Variants in ZNF469 observed in about 807,000 individuals in gnomAD.
ZNF469 encodes the protein zinc finger protein 469.
ZNF469 carries 1 observed loss-of-function variant against 1.0 expected under a neutral mutation model. The ratio of observed to expected loss-of-function variants is 1.00; its 90% CI spans 0.35 to 4.73. The LOEUF (loss-of-function observed/expected upper bound fraction) is 4.73. ZNF469 is among the 30% of genes most tolerant of loss of function. The probability of loss-of-function intolerance (pLI) is 0.16; values close to 1 mark genes in which losing one functional copy is unlikely to be tolerated. For missense variants in ZNF469, 6,100 were observed against 5,356.3 expected, an observed-to-expected ratio of 1.14 and a Z score of -4.33; for synonymous variants, 2,703 against 2,363.4, an observed-to-expected ratio of 1.14 and a Z score of -4.17.
At chr16:88,129,337 C>T in the ZNF469 span, among the ~76,000 whole-genome samples, 10 of 152,232 alleles carry the variant, frequency 6.6e-5, no homozygotes, top group African/African-American at 2.4e-4. Flanking sequence ...GCAGGAGGTC[C>T]TCGGTGAGTC....
intron 1 of ZNF469, among the ~76,000 whole-genome samples, chr16:88,397,145 A>G (rs1904709202): frequency 6.6e-6 from 1 of 152,232 alleles, no homozygotes; most frequent in South Asian, 2.1e-4. Flanking sequence ...AGTGGCCCCC[A>G]GGGCTGAGGC....
the ZNF469 span, among the ~76,000 whole-genome samples, chr16:88,114,674 G>A: frequency 2.4e-4 from 37 of 152,346 alleles, no homozygotes; most frequent in African/African-American, 8.9e-4. Flanking sequence ...CCCTGTCTGA[G>A]CCTCTCTGCA....
the ZNF469 span, among the ~76,000 whole-genome samples, chr16:88,355,350 T>C: frequency 6.6e-6 from 1 of 152,208 alleles, no homozygotes; most frequent in Non-Finnish European, 1.5e-5. Flanking sequence ...ACAAAGAAGC[T>C]AAACTGGGAG....
At chr16:88,251,398 G>C in the ZNF469 span, among the ~76,000 whole-genome samples, 1 of 152,122 alleles carries the variant, frequency 6.6e-6, no homozygotes, top group Non-Finnish European at 1.5e-5. Flanking sequence ...GTAGAATGTA[G>C]ATGCTATGTC....
chr16:88,359,782 T>A, the ZNF469 span, among the ~76,000 whole-genome samples: 4 of 152,222 alleles, frequency 2.6e-5, no homozygotes, highest in African/African-American at 7.2e-5. Context: ...AAATCAAATA[T>A]CTAGAAAGCT....
At chr16:88,250,968 C>T in the ZNF469 span, among the ~76,000 whole-genome samples, 1 of 152,158 alleles carries the variant, frequency 6.6e-6, no homozygotes, top group Non-Finnish European at 1.5e-5. Flanking sequence ...AACTCTGCCT[C>T]CCGGGTTCAA....
chr16:88,110,679 C>A, the ZNF469 span, among the ~76,000 whole-genome samples: 1 of 152,186 alleles, frequency 6.6e-6, no homozygotes, highest in Admixed American at 6.5e-5. Context: ...CAGAACCACT[C>A]GTCTTAAAGT....
Position 88,436,714 on chromosome 16 carries a change from G to A in ZNF469, c.9244G>A (p.Ala3082Thr). Residue 3082 changes from alanine (A) to threonine (T), a missense_variant, in exon 3 of 3, where the codon GCG becomes ACG. Physicochemically the swap from Ala to Thr is moderately conservative, Grantham distance 58. Transcript: ENST00000565624. ...GPSFLDFEGT[A>T]SSQGPQSRRT... ...CAGCTTCTTAGACTTCGAGGGCACG[G>A]CGAGCTCACAGGGGCCACAGAGCCG... The A allele has an allele frequency of 6.5e-7, 1 of 1,549,390 alleles. No homozygotes were observed. The highest frequency in any genetic ancestry group is 8.7e-7 in the Non-Finnish European group (1 of 1,146,418).
At chr16:88,387,286 GC>G (rs1904362073) in intron 1 of ZNF469, among the ~76,000 whole-genome samples, 1 of 152,200 alleles carries the variant, frequency 6.6e-6, no homozygotes, top group African/African-American at 2.4e-5. Context: ...CGGCCGTCCA[GC>G]CCCCTCATTC....
chr16:88,380,143 T>TCA (rs34963271), upstream of ZNF469, among the ~76,000 whole-genome samples: 4,871 of 47,144 alleles, frequency 0.1, 187 homozygotes, highest in East Asian at 0.38. Flanking sequence ...AGACACACAC[T>TCA]CACACACAAA....
At chr16:88,282,892 C>G in the ZNF469 span, among the ~76,000 whole-genome samples, 2 of 152,152 alleles carry the variant, frequency 1.3e-5, no homozygotes, top group African/African-American at 4.8e-5. Flanking sequence ...GTGCAGCATT[C>G]TGGGAGCGCA....
At chr16:88,230,165 A>G in the ZNF469 span, among the ~76,000 whole-genome samples, 1 of 152,274 alleles carries the variant, frequency 6.6e-6, no homozygotes, top group African/African-American at 2.4e-5. Context: ...TGGAATGAAG[A>G]TTTTGGGTTC....
At chr16:88,261,598 T>C in the ZNF469 span, among the ~76,000 whole-genome samples, 1 of 152,154 alleles carries the variant, frequency 6.6e-6, no homozygotes, top group African/African-American at 2.4e-5. The surrounding 1 kb of genome is among the most constrained non-coding windows in gnomAD (Gnocchi z 6.0). Context: ...AAAGAGCTCA[T>C]TTTGGTGGAT....
chr16:88,290,674 C>A, the ZNF469 span, among the ~76,000 whole-genome samples: 65 of 152,344 alleles, frequency 4.3e-4, no homozygotes, highest in African/African-American at 1.5e-3. Context: ...CCCACCACCC[C>A]CCAACCTCAA....
chr16:88,428,675 C>T lies in ZNF469; in HGVS notation c.1205C>T (p.Pro402Leu), dbSNP rs1247321260. ...ACGAGAGGGCCCCCTAGCTCCCTAC[C>T]CCAGAGGCACTTTCCAGGGCAGGCG... ...GSTRGPPSSL[P>L]QRHFPGQAYR... is the part of the protein sequence containing the mutation. Residue 402 changes from proline to leucine, a missense_variant, in exon 3 of 3, where the codon CCC (proline) becomes CTC (leucine). Coordinates refer to ENST00000565624, the MANE Select transcript of ZNF469 (RefSeq NM_001367624.2). The T allele has an allele frequency of 6.5e-7, 1 of 1,549,920 alleles. No individual in the cohort carries two copies. The highest frequency in any genetic ancestry group is 2.0e-5 in the Admixed American group (1 of 51,006).
chr16:88,156,960 C>T, the ZNF469 span, among the ~76,000 whole-genome samples: 10 of 152,212 alleles, frequency 6.6e-5, no homozygotes, highest in Admixed American at 6.5e-5. Context: ...GGATTTGGCA[C>T]AAAATGTCCT....
At position 88,428,390 on chromosome 16, in the gene ZNF469, A is replaced by C; in HGVS notation, c.920A>C (p.His307Pro). 1.3e-6 allele frequency: 2 copies of C among 1,548,426 alleles called. No homozygotes were observed. The highest frequency in any genetic ancestry group is 1.7e-6 in the Non-Finnish European group (2 of 1,146,792). Reference protein sequence around the residue: ...FTNGPLVFAFHQPQGAWPEEA... With the variant: ...FTNGPLVFAFPQPQGAWPEEA... ...AATGGGCCACTGGTGTTTGCCTTCC[A>C]TCAGCCCCAGGGAGCGTGGCCGGAG... Residue 307 changes from histidine to proline, a missense_variant, in exon 3 of 3, where the codon CAT becomes CCT. Physicochemically the swap from His to Pro is moderately conservative, Grantham distance 77. Coordinates refer to ENST00000565624, the MANE Select transcript of ZNF469 (RefSeq NM_001367624.2).
chr16:88,349,016 C>T, the ZNF469 span, among the ~76,000 whole-genome samples: 14 of 152,204 alleles, frequency 9.2e-5, no homozygotes, highest in East Asian at 1.9e-4. Context: ...CCCACGCAGG[C>T]CCCAAGCCGA....
the ZNF469 span, among the ~76,000 whole-genome samples, chr16:88,233,887 G>A: frequency 6.1e-3 from 933 of 152,336 alleles, 9 homozygotes; most frequent in African/African-American, 0.022. Flanking sequence ...CTGCTCTCTC[G>A]CCCGCAGCCC....
Sources: allele counts gnomAD v4.1 joint callset (sites outside exome capture counted in the v4.1 genomes callset), GRCh38; gene constraint gnomAD v4.1.1; non-coding constraint Gnocchi (gnomAD v3.1); transcripts MANE v1.5; gene names NCBI Gene and HGNC (gene_info 2026-07-23, HGNC 2026-07-21).